The following PREP variants were observed in gnomAD, a reference collection of about 807,000 sequenced individuals.
PREP encodes the protein dJ355L5.1 (prolyl endopeptidase).
A neutral mutation model predicts 87.6 loss-of-function variants in PREP; 29 were observed. The observed-to-expected ratio is 0.33, with a 90% CI of 0.25 to 0.45. The LOEUF (loss-of-function observed/expected upper bound fraction) is 0.45. Among genes scored for constraint, PREP ranks in the 20% least tolerant of loss-of-function variants. PREP has a pLI of 1.00. For synonymous variants in PREP, 337 were observed against 328.6 expected, an observed-to-expected ratio of 1.03 and a Z score of -0.28; for missense variants, 695 against 886.5, an observed-to-expected ratio of 0.78 and a Z score of 2.74.
At chr6:105,351,239 C>T (rs908696639) in intron 7 of PREP, among the ~76,000 whole-genome samples, 8 of 152,312 alleles carry the variant, frequency 5.3e-5, no homozygotes, top group Admixed American at 2.0e-4. Flanking sequence ...GTGGGCCTGA[C>T]TCAATCAGTT....
intron 10 of PREP, chr6:105,323,226 C>T (rs1771060341): frequency 1.1e-6 from 1 of 888,064 alleles, no homozygotes; most frequent in East Asian, 6.2e-5. Flanking sequence ...TGAGTGTCTA[C>T]TCTGTGTCAT....
At chr6:105,364,023 C>T (rs878908837) in intron 6 of PREP, among the ~76,000 whole-genome samples, 1 of 152,180 alleles carries the variant, frequency 6.6e-6, no homozygotes, top group African/African-American at 2.4e-5. Flanking sequence ...GATAGACCAA[C>T]AAACAATTCC....
chr6:105,309,879 C>T (rs2114633732), intron 10 of PREP, among the ~76,000 whole-genome samples: 1 of 152,314 alleles, frequency 6.6e-6, no homozygotes, highest in East Asian at 1.9e-4. Flanking sequence ...TGCACCAAGG[C>T]AATCTAGTTT....
intron 6 of PREP, among the ~76,000 whole-genome samples, chr6:105,363,569 C>T (rs1772306499): frequency 6.6e-6 from 1 of 152,158 alleles, no homozygotes. Context: ...TTCCTGAGCC[C>T]AGCATTTTGG....
intron 7 of PREP, among the ~76,000 whole-genome samples, chr6:105,345,811 G>A (rs6941283): frequency 5.3e-5 from 8 of 152,090 alleles, no homozygotes; most frequent in African/African-American, 1.7e-4. Flanking sequence ...AGTTTCCTGG[G>A]GATAATAATC....
intron 9 of PREP, among the ~76,000 whole-genome samples, chr6:105,325,659 C>A (rs1771136236): frequency 6.6e-6 from 1 of 152,124 alleles, no homozygotes; most frequent in African/African-American, 2.4e-5. Flanking sequence ...GTTTATAGAT[C>A]CATCTAGGTT....
intron 10 of PREP, among the ~76,000 whole-genome samples, chr6:105,291,796 A>G (rs1038371476): frequency 5.5e-4 from 84 of 152,192 alleles, no homozygotes; most frequent in African/African-American, 1.8e-3. Context: ...TCAAAATTGG[A>G]GTCAATCCCT....
chr6:105,386,982 G>A (rs1039393225), intron 2 of PREP, among the ~76,000 whole-genome samples: 9 of 152,338 alleles, frequency 5.9e-5, no homozygotes, highest in South Asian at 2.1e-4. Flanking sequence ...GGAGGCCAAG[G>A]TGGGCGGATC....
chr6:105,318,020 TGGCCACCAG>T (rs1294132657), intron 10 of PREP, among the ~76,000 whole-genome samples: 2 of 152,190 alleles, frequency 1.3e-5, no homozygotes, highest in Non-Finnish European at 2.9e-5. Context: ...TTTAGGTACC[TGGCCACCAG>T]GTGGCATTTG....
chr6:105,389,849 C>A (rs1041663518), intron 2 of PREP, among the ~76,000 whole-genome samples: 3 of 152,160 alleles, frequency 2.0e-5, no homozygotes, highest in Non-Finnish European at 4.4e-5. Flanking sequence ...AGAAACTCCT[C>A]ATGCTACACA....
At chr6:105,312,684 T>C (rs1402486280) in intron 10 of PREP, among the ~76,000 whole-genome samples, 3 of 152,236 alleles carry the variant, frequency 2.0e-5, no homozygotes, top group Non-Finnish European at 4.4e-5. Flanking sequence ...TTTCCCCGTC[T>C]TCTGCTTTAC....
At chr6:105,348,763 C>T (rs1771866570) in intron 7 of PREP, among the ~76,000 whole-genome samples, 1 of 151,942 alleles carries the variant, frequency 6.6e-6, no homozygotes, top group Admixed American at 6.6e-5. Flanking sequence ...CCTGTAGTCC[C>T]AGCTACTTGG....
intron 11 of PREP, among the ~76,000 whole-genome samples, chr6:105,286,558 C>T (rs1231913583): frequency 6.6e-6 from 1 of 152,154 alleles, no homozygotes; most frequent in Non-Finnish European, 1.5e-5. Flanking sequence ...ATGCTGTTAA[C>T]TAAAATTAAC....
In PREP at chr6:105,328,919, A is replaced by G. The variant is rs776394444; in HGVS notation, c.1123T>C (p.Phe375Leu). The G allele has an allele frequency of 5.0e-6, 8 of 1,614,158 alleles. No homozygotes were observed. The highest frequency in any genetic ancestry group is 1.7e-5 in the Admixed American group (1 of 60,006). Residue 375 changes from phenylalanine to leucine, a missense_variant, in exon 9 of 15, where the codon TTC becomes CTC. Phe to Leu is a conservative substitution (Grantham distance 22). Transcript: ENST00000652536. The part of the protein sequence containing the change: ...DLTTGALLKT[F>L]PLDVGSIVGY... ...ACAATGCTGCCGACATCGAGCGGGA[A>G]GGTCTTAAGGAGAGCACCAGTAGTC...
rs532492505 is a variant in PREP at position 105,338,489 on chromosome 6, G to C, written c.824-4984C>G. Reference sequence around the variant, plus strand: ...TCCCAGTGTGAGTGACACAGAAGACGGGTGATTTCTACATTTCCAACTGAA... The same window carrying C: ...TCCCAGTGTGAGTGACACAGAAGACCGGTGATTTCTACATTTCCAACTGAA... On this transcript the variant is annotated intron_variant, in intron 7 of 14. Coordinates refer to ENST00000652536, the MANE Select transcript of PREP (RefSeq NM_002726.5). Among the ~76,000 whole-genome samples the C allele has an allele frequency of 3.3e-5, 5 of 152,320 alleles. No homozygotes were observed. The South Asian group carries it at 1.0e-3, about 32-fold the overall frequency.
chr6:105,369,580 T>A (rs915350323), intron 5 of PREP, among the ~76,000 whole-genome samples: 1 of 152,152 alleles, frequency 6.6e-6, no homozygotes, highest in South Asian at 2.1e-4. Flanking sequence ...GTGATCAAGA[T>A]AATGTGGTAT....
chr6:105,352,245 T>C (rs563296413), intron 7 of PREP, among the ~76,000 whole-genome samples: 6 of 152,310 alleles, frequency 3.9e-5, no homozygotes, highest in African/African-American at 1.4e-4. Context: ...GTCTGGGAAT[T>C]TTCAGCATAG....
At chr6:105,341,009 C>T (rs1271634315) in intron 7 of PREP, among the ~76,000 whole-genome samples, 3 of 152,118 alleles carry the variant, frequency 2.0e-5, no homozygotes, top group Non-Finnish European at 2.9e-5. Flanking sequence ...AGGATATCCA[C>T]GAATTAAACT....
intron 7 of PREP, among the ~76,000 whole-genome samples, chr6:105,347,458 C>A (rs1434113468): frequency 6.6e-6 from 1 of 152,170 alleles, no homozygotes; most frequent in Non-Finnish European, 1.5e-5. Context: ...ATGTAGACAA[C>A]AAAAGTAACC....
Sources: allele counts gnomAD v4.1 joint callset (sites outside exome capture counted in the v4.1 genomes callset), GRCh38; gene constraint gnomAD v4.1.1; transcripts MANE v1.5; gene names NCBI Gene and HGNC (gene_info 2026-07-23, HGNC 2026-07-21).